The following CFAP45 variants were observed in gnomAD, a reference collection of about 807,000 sequenced individuals.
CFAP45 encodes the protein cilia and flagella associated protein 45, also known as cilia- and flagella-associated protein 45.
A neutral mutation model predicts 75.6 loss-of-function variants in CFAP45; 43 were observed. The ratio of observed to expected loss-of-function variants is 0.57; its 90% CI spans 0.45 to 0.73. The LOEUF (loss-of-function observed/expected upper bound fraction) is 0.73. CFAP45 is among the 30% of genes least tolerant of loss of function. The pLI, the probability that CFAP45 is intolerant of heterozygous loss-of-function variation, is 0.00. For missense variants in CFAP45, 689 were observed against 701.5 expected, an observed-to-expected ratio of 0.98 and a Z score of 0.20; for synonymous variants, 223 against 244.6, an observed-to-expected ratio of 0.91 and a Z score of 0.82.
intron 7 of CFAP45, among the ~76,000 whole-genome samples, chr1:159,883,625 T>A (rs10908748): frequency 2.0e-3 from 8 of 4,002 alleles, no homozygotes; most frequent in South Asian, 0.012. Flanking sequence ...AACAATAAAA[T>A]ATATATATAT....
chr1:159,873,849 C>CCTTCCTTCTTCCTTG lies in CFAP45; in HGVS notation c.1353-682_1353-681insCAAGGAAGAAGGAAG, dbSNP rs779929797. Among the ~76,000 whole-genome samples, 239 of 136,798 alleles carry CCTTCCTTCTTCCTTG rather than the reference C, an allele frequency of 1.7e-3. 1 individual carries two copies. The highest frequency in any genetic ancestry group is 7.1e-3 in the East Asian group (32 of 4,484). The allele number at this position is 136,798 out of a possible 152,430, so 89.7% of individuals were successfully genotyped here. Reference sequence around the variant, plus strand: ...CTTCTCCTTCCTTCCTTCCTTCCTTCCTTCCTTCCTTCTTCCTTGCTTCCT... The same window carrying CCTTCCTTCTTCCTTG: ...CTTCTCCTTCCTTCCTTCCTTCCTTCCTTCCTTCTTCCTTGCTTCCTTCCTTCTTCCTTGCTTCCT... On this transcript the variant is annotated intron_variant, in intron 10 of 11. Transcript: ENST00000368099.
In CFAP45 at chr1:159,884,585, C is replaced by T. The variant is rs1259849400; in HGVS notation, c.768-20G>A. The T allele has an allele frequency of 6.2e-7, 1 of 1,610,858 alleles. No individual in the cohort carries two copies. Among genetic ancestry groups the T allele is most frequent in the Non-Finnish European group, 8.5e-7 (1 of 1,178,824 alleles). On this transcript the variant is annotated intron_variant, in intron 6 of 11. Coordinates refer to ENST00000368099, the MANE Select transcript of CFAP45 (RefSeq NM_012337.3). ...CTTCCTCTTGGAGAGAACAGTGCCA[C>T]AGTGTCTTAGAAACCCCGGGTCCAC...
At chr1:159,881,652 T>G (rs1649553060) in intron 7 of CFAP45, among the ~76,000 whole-genome samples, 1 of 152,078 alleles carries the variant, frequency 6.6e-6, no homozygotes, top group Non-Finnish European at 1.5e-5. Context: ...AGAAAAAAAG[T>G]TCTTAGACAC....
At chr1:159,897,466 C>G (rs889962962) in intron 1 of CFAP45, among the ~76,000 whole-genome samples, 3 of 151,968 alleles carry the variant, frequency 2.0e-5, no homozygotes, top group African/African-American at 7.3e-5. Context: ...GCCTGTAGTC[C>G]CAGCTACTCA....
chr1:159,872,435 T>G lies in CFAP45; in HGVS notation c.*50A>C, dbSNP rs775708351. The G allele has an allele frequency of 7.2e-7, 1 of 1,390,966 alleles. No homozygotes were observed. Among genetic ancestry groups the G allele is most frequent in the East Asian group, 2.3e-5 (1 of 43,822 alleles). 86.2% of individuals were successfully genotyped at this position (1,390,966 alleles called of 1,614,324 possible). A position where few individuals can be genotyped will look rare whatever the true frequency, so the allele number is the denominator to read the frequency against. On this transcript the variant is annotated 3_prime_UTR_variant, in exon 12 of 12. Transcript: ENST00000368099. ...GCAGCAATTATGGATGCCCAGAGAC[T>G]GGGCAGAATCTGTCCCCCGAAGGCA...
At chr1:159,872,911 G>A (rs752183581) in intron 11 of CFAP45, 33 bp downstream of exon 11, 1 of 1,592,558 alleles carries the variant, frequency 6.3e-7, no homozygotes, top group African/African-American at 1.3e-5. Context: ...CGGGAGGGAA[G>A]AGGATTTGGG....
At chr1:159,893,082 C>A in intron 2 of CFAP45, 98 bp downstream of exon 2, 2 of 1,385,296 alleles carry the variant, frequency 1.4e-6, no homozygotes. Flanking sequence ...GAGTTACCTA[C>A]GAGAGCAAGG....
At chr1:159,892,402 C>T (rs892023263) in intron 2 of CFAP45, among the ~76,000 whole-genome samples, 6 of 152,284 alleles carry the variant, frequency 3.9e-5, no homozygotes, top group African/African-American at 1.4e-4. Flanking sequence ...TATCTCAATC[C>T]CTCTGGAGAG....
chr1:159,893,361 G>C, intron 1 of CFAP45, 56 bp from the exon 2 acceptor site: 1 of 1,585,560 alleles, frequency 6.3e-7, no homozygotes, highest in Non-Finnish European at 8.6e-7. Context: ...TCCAGACCCT[G>C]GGAAGTCAAC....
rs777114985 is a variant in CFAP45 at position 159,876,704 on chromosome 1, ACT to A, written c.1202_1203del (p.Glu401ValfsTer18). 3.7e-6 allele frequency: 6 copies of A among 1,613,702 alleles called. No individual in the cohort carries two copies. Among genetic ancestry groups the A allele is most frequent in the Admixed American group, 1.7e-5 (1 of 59,982 alleles). On this transcript the variant is annotated frameshift_variant, in exon 10 of 12. Coordinates refer to ENST00000368099, the MANE Select transcript of CFAP45 (RefSeq NM_012337.3). LOFTEE classifies it high-confidence loss of function. The part of the protein sequence containing the change: ...AKRNQEVADR[E>X]WRRKEKENAR... ...GCATTTTCCTTTTCCTTTCTGCGCC[ACT>A]CTCTGTCTGCAACCTCCTGGTTGCG... is the stretch of plus-strand genomic sequence containing the variant.
chr1:159,886,535 C>T lies in CFAP45; in HGVS notation c.743G>A (p.Arg248Lys), dbSNP rs1649690704. ...CCTAATTCTTTCCTCCCTCCTCTTC[C>T]TCTCCAGTTCCTCCTGCCTTTGAAT... ...KSIQRQEELE[R>K]KRREERIRGR... is the part of the protein sequence containing the mutation. Residue 248 changes from arginine to lysine, a missense_variant, in exon 6 of 12, where the codon AGG (arginine) becomes AAG (lysine). Coordinates refer to ENST00000368099, the MANE Select transcript of CFAP45 (RefSeq NM_012337.3). The T allele has an allele frequency of 2.5e-6, 4 of 1,614,150 alleles. No individual in the cohort carries two copies. Among genetic ancestry groups the T allele is most frequent in the Middle Eastern group, 1.6e-4 (1 of 6,062 alleles).
chr1:159,900,004 C>A (rs1650037577), intron 1 of CFAP45, 92 bp downstream of exon 1: 1 of 1,473,754 alleles, frequency 6.8e-7, no homozygotes, highest in African/African-American at 1.4e-5. Context: ...ACCCCTAGAC[C>A]CAACTGTGAC....
chr1:159,883,151 A>T (rs1649588644), intron 7 of CFAP45, among the ~76,000 whole-genome samples: 1 of 152,260 alleles, frequency 6.6e-6, no homozygotes, highest in South Asian at 2.1e-4. Context: ...GAGGGAGAGA[A>T]TCGTAAAAGA....
At chr1:159,876,523 G>C (rs1390711190) in intron 10 of CFAP45, 33 bp downstream of exon 10, 5 of 1,487,804 alleles carry the variant, frequency 3.4e-6, no homozygotes, top group Non-Finnish European at 4.7e-6. Context: ...ACAGTACAAG[G>C]AAAGGAATCC....
intron 8 of CFAP45, among the ~76,000 whole-genome samples, chr1:159,878,271 C>A (rs1281721544): frequency 6.6e-6 from 1 of 152,200 alleles, no homozygotes; most frequent in African/African-American, 2.4e-5. Context: ...GGCAAAGAGC[C>A]AACCATGCTT....
chr1:159,888,110 T>C, intron 4 of CFAP45, 99 bp from the exon 5 acceptor site: 1 of 1,389,300 alleles, frequency 7.2e-7, no homozygotes, highest in Non-Finnish European at 9.9e-7. Context: ...CAATTTTGCC[T>C]TGGCCAGTGA....
rs371893609 is a variant in CFAP45 at position 159,873,086 on chromosome 1, G to A, written c.1435C>T (p.Arg479Trp). Residue 479 changes from arginine (R) to tryptophan (W), a missense_variant, in exon 11 of 12, where the codon CGG (arginine) becomes TGG (tryptophan). Arg to Trp is a moderately radical substitution (Grantham distance 101, BLOSUM62 -3). Coordinates refer to ENST00000368099, the MANE Select transcript of CFAP45 (RefSeq NM_012337.3). Reference protein sequence around the residue: ...TGRLQHANELRRQVRENQQKE... With the variant: ...TGRLQHANELWRQVRENQQKE... ...TGCTGGTTCTCGCGCACCTGGCGCC[G>A]GAGCTCATTGGCATGCTGTAAGCGC... 172 of 1,614,082 alleles carry A rather than the reference G, an allele frequency of 1.1e-4. No homozygotes were observed. The highest frequency in any genetic ancestry group is 1.3e-4 in the East Asian group (6 of 44,876).
chr1:159,882,431 T>C (rs1649569425), intron 7 of CFAP45, among the ~76,000 whole-genome samples: 1 of 152,210 alleles, frequency 6.6e-6, no homozygotes, highest in African/African-American at 2.4e-5. Context: ...TGGATTGTTG[T>C]TTTTGTTGGC....
At chr1:159,886,883 C>T (rs1431387715) in intron 5 of CFAP45, among the ~76,000 whole-genome samples, 194 bp from the exon 6 acceptor site, 1 of 152,188 alleles carries the variant, frequency 6.6e-6, no homozygotes, top group African/African-American at 2.4e-5. Context: ...TACTGGCCTC[C>T]TGCTAGGTGC....
Sources: gnomAD v4.1 joint callset for allele counts (sites outside exome capture counted in the v4.1 genomes callset) on GRCh38, gnomAD v4.1.1 for gene constraint, MANE v1.5 for transcripts, NCBI Gene and HGNC (gene_info 2026-07-23, HGNC 2026-07-21) for gene names.